Variants in DNAJC27 observed in about 807,000 individuals in gnomAD.
DNAJC27 encodes the protein DnaJ heat shock protein family (Hsp40) member C27.
Under a neutral mutation model 31.4 loss-of-function variants are expected in DNAJC27, and 25 were observed. That is an observed-to-expected ratio of 0.80 (90% CI 0.58 to 1.11). DNAJC27 has a LOEUF of 1.11. Ranked by LOEUF, DNAJC27 falls within the 50% of genes most tolerant of loss-of-function variation. The pLI is 0.00. For missense variants in DNAJC27, 356 were observed against 347.3 expected (o/e 1.02, Z -0.20); for synonymous variants, 106 against 112.7 (o/e 0.94, Z 0.37).
chr2:24,949,750 T>G (rs1665723569), intron 6 of DNAJC27, among the ~76,000 whole-genome samples: 1 of 152,212 alleles, frequency 6.6e-6, no homozygotes, highest in Admixed American at 6.5e-5. Flanking sequence ...CCTAAGTTTC[T>G]TCTTTCTTAA....
At chr2:24,958,374 C>T (rs28613977) in intron 3 of DNAJC27, among the ~76,000 whole-genome samples, 8 of 152,184 alleles carry the variant, frequency 5.3e-5, no homozygotes, top group African/African-American at 1.9e-4. Flanking sequence ...ATGGGTACAG[C>T]CATTTATAAA....
At chr2:24,967,388 C>T (rs973563922) in intron 1 of DNAJC27, 95 bp from the exon 2 acceptor site, 12 of 1,001,604 alleles carry the variant, frequency 1.2e-5, no homozygotes, top group Non-Finnish European at 1.8e-5. Flanking sequence ...CCATTCATCA[C>T]TATGAAAAAG....
intron 2 of DNAJC27, among the ~76,000 whole-genome samples, chr2:24,965,517 A>C (rs1435046400): frequency 6.6e-6 from 1 of 152,128 alleles, no homozygotes; most frequent in Admixed American, 6.5e-5. Context: ...TGGCCTCCCA[A>C]AGTGCTAGGA....
chr2:24,969,476 G>GA (rs1213930975), intron 1 of DNAJC27: 8 of 179,194 alleles, frequency 4.5e-5, no homozygotes, highest in Non-Finnish European at 7.1e-5. Context: ...TCATCACAGT[G>GA]AAAAAAAATT....
At chr2:24,960,052 T>A (rs1558554021) in intron 3 of DNAJC27, among the ~76,000 whole-genome samples, 2 of 152,206 alleles carry the variant, frequency 1.3e-5, no homozygotes, top group South Asian at 4.1e-4. Context: ...TATGTACATA[T>A]TGTGTTTTTT....
At position 24,957,106 on chromosome 2, in the gene DNAJC27, G is replaced by A; in HGVS notation, c.465C>T (p.Ser155=). 6.2e-7 allele frequency: 1 copy of A among 1,610,164 alleles called. No homozygotes were observed. The change falls in exon 5 of 7, where the codon AGC becomes AGT. Residue 155 remains serine (S), a synonymous_variant. Transcript: ENST00000264711. ...AAGTTTCAAAGTACAGGAACCCTTT[G>A]CTTTCAGCCCAAAGACGTCCTTCAC... is the stretch of plus-strand genomic sequence containing the variant. ...DESEGRLWAE[S]KGFLYFETSA...
intron 1 of DNAJC27, chr2:24,969,217 C>A: frequency 4.8e-6 from 1 of 207,826 alleles, no homozygotes; most frequent in South Asian, 8.8e-5. Context: ...CCATGTGAGT[C>A]TCTCAAGAAC....
chr2:24,971,655 CG>C, intron 1 of DNAJC27, 162 bp downstream of exon 1: 1 of 549,590 alleles, frequency 1.8e-6, no homozygotes, highest in Middle Eastern at 4.8e-4. Flanking sequence ...TCAAAAAGGT[CG>C]GGGAGTTTCG....
At chr2:24,972,047 G>T, upstream of DNAJC27, 1 of 604,304 alleles carries the variant, frequency 1.7e-6, no homozygotes, top group Non-Finnish European at 2.7e-6. Flanking sequence ...CCGCTGCCTG[G>T]CAGCAGGCGC....
intron 3 of DNAJC27, among the ~76,000 whole-genome samples, chr2:24,961,160 G>A (rs576615322): frequency 6.6e-6 from 1 of 152,088 alleles, no homozygotes; most frequent in Non-Finnish European, 1.5e-5. Flanking sequence ...AAAATCCTAG[G>A]GCCCTTAAGA....
rs779336428 is a variant in DNAJC27, at chr2:24,947,593, C to T, written c.*23G>A. 2.5e-5 allele frequency: 40 copies of T among 1,582,668 alleles called. No homozygotes were observed. Among genetic ancestry groups the T allele is most frequent in the Non-Finnish European group, 3.3e-5 (38 of 1,157,066 alleles). ...AAAGTCTGTTTGCATTTGAGTCCCA[C>T]ATGTGGCTTTTTTCTGTACTTTCTA... On this transcript the variant is annotated 3_prime_UTR_variant, in exon 7 of 7. Transcript: ENST00000264711.
At chr2:24,956,354 C>T (rs1665904824) in intron 5 of DNAJC27, among the ~76,000 whole-genome samples, 1 of 152,136 alleles carries the variant, frequency 6.6e-6, no homozygotes, top group African/African-American at 2.4e-5. Flanking sequence ...TTTAAATAGC[C>T]TATTTCCCTT....
chr2:24,958,050 G>T, intron 3 of DNAJC27, 76 bp from the exon 4 acceptor site: 1 of 1,356,688 alleles, frequency 7.4e-7, no homozygotes, highest in South Asian at 1.3e-5. Context: ...TCATTAACCT[G>T]GCAAAGTGTG....
At chr2:24,954,927 C>T (rs1665870159) in intron 5 of DNAJC27, among the ~76,000 whole-genome samples, 1 of 152,034 alleles carries the variant, frequency 6.6e-6, no homozygotes, top group South Asian at 2.1e-4. Flanking sequence ...CAGAGCCAGA[C>T]TCCGTCTCAA....
At chr2:24,958,439 C>T (rs757587408) in intron 3 of DNAJC27, 34 of 207,226 alleles carry the variant, frequency 1.6e-4, no homozygotes, top group Non-Finnish European at 2.7e-4. Context: ...CCCTGACTCT[C>T]GGGTCTGCAC....
chr2:24,960,169 T>C (rs954745099), intron 3 of DNAJC27, among the ~76,000 whole-genome samples: 4 of 150,276 alleles, frequency 2.7e-5, no homozygotes, highest in South Asian at 2.1e-4. Context: ...GTAACACTTA[T>C]AATACTTCAA....
intron 6 of DNAJC27, among the ~76,000 whole-genome samples, chr2:24,949,717 A>C (rs1665721908): frequency 6.6e-6 from 1 of 152,196 alleles, no homozygotes. Flanking sequence ...ATTTCAATTA[A>C]CCAAAGTGAA....
Position 24,971,912 on chromosome 2 carries a change from G to T in DNAJC27, c.-8C>A. On this transcript the variant is annotated 5_prime_UTR_variant, in exon 1 of 7. Transcript: ENST00000264711. ...CGGCATGTTGGCCTCCATGGCCCTGGCTCTCTCGGGGCCACCCGCCTCGGT... is the reference window on the plus strand; with the variant it reads ...CGGCATGTTGGCCTCCATGGCCCTGTCTCTCTCGGGGCCACCCGCCTCGGT... 1 of 1,575,808 alleles carries T rather than the reference G, an allele frequency of 6.3e-7. No individual in the cohort carries two copies. The highest frequency in any genetic ancestry group is 1.4e-5 in the African/African-American group (1 of 73,198).
chr2:24,965,546 G>T (rs74493154), intron 2 of DNAJC27, among the ~76,000 whole-genome samples: 9 of 152,166 alleles, frequency 5.9e-5, no homozygotes, highest in African/African-American at 1.9e-4. Flanking sequence ...ATGAGCCACC[G>T]TGCCAAGCCA....
Sources: allele counts gnomAD v4.1 joint callset (sites outside exome capture counted in the v4.1 genomes callset), GRCh38; gene constraint gnomAD v4.1.1; transcripts MANE v1.5; gene names NCBI Gene and HGNC (gene_info 2026-07-23, HGNC 2026-07-21).